The following IKBKB variants were observed in gnomAD, a reference collection of about 807,000 sequenced individuals.
The protein encoded by IKBKB is inhibitor of nuclear factor kappa B kinase subunit beta.
IKBKB carries 42 observed loss-of-function variants against 113.6 expected under a neutral mutation model. The observed-to-expected ratio is 0.37, with a 90% CI of 0.29 to 0.48. The LOEUF is 0.48. Among genes scored for constraint, IKBKB ranks in the 20% least tolerant of loss-of-function variants. The pLI, the probability that IKBKB is intolerant of heterozygous loss-of-function variation, is 0.99. For synonymous variants in IKBKB, 296 were observed against 361.3 expected, an observed-to-expected ratio of 0.82 and a Z score of 2.05; for missense variants, 673 against 939.7, an observed-to-expected ratio of 0.72 and a Z score of 3.71.
intron 2 of IKBKB, among the ~76,000 whole-genome samples, chr8:42,280,446 G>T (rs775972354): frequency 2.0e-5 from 3 of 150,628 alleles, no homozygotes; most frequent in Non-Finnish European, 4.5e-5. Flanking sequence ...GGAGATAACC[G>T]AGTGCTCCCA....
intron 19 of IKBKB, among the ~76,000 whole-genome samples, chr8:42,322,733 T>G (rs541617722): frequency 6.6e-6 from 1 of 152,190 alleles, no homozygotes; most frequent in African/African-American, 2.4e-5. Flanking sequence ...CTGTAAAGAT[T>G]AGCACAAACT....
intron 5 of IKBKB, among the ~76,000 whole-genome samples, chr8:42,298,972 G>A (rs138860529): frequency 1.3e-5 from 2 of 152,082 alleles, no homozygotes; most frequent in African/African-American, 2.4e-5. Context: ...GCTGCTCCTC[G>A]ACGTTCTGTT....
Position 42,331,747 on chromosome 8 carries a change from G to T in IKBKB, c.*768G>T, listed in dbSNP as rs200259853. 7.0e-5 allele frequency: 25 copies of T among 355,182 alleles called. No individual in the cohort carries two copies. The highest frequency in any genetic ancestry group is 1.2e-4 in the Non-Finnish European group (22 of 188,488). 22.0% of individuals were successfully genotyped at this position (355,182 alleles called of 1,614,324 possible). On this transcript the variant is annotated 3_prime_UTR_variant, in exon 22 of 22. Transcript: ENST00000520810. The stretch of plus-strand genomic sequence containing the variant: ...TTATTCTGAATCCCAAAAATTACTT[G>T]GGGGTGATTGTCACAGAGGAGGGAC...
intron 19 of IKBKB, 60 bp downstream of exon 19, chr8:42,322,554 CTG>C: frequency 1.9e-6 from 3 of 1,569,422 alleles, no homozygotes; most frequent in Non-Finnish European, 1.7e-6. Context: ...CTTTCCACCT[CTG>C]TGCACTGCCG....
intron 6 of IKBKB, among the ~76,000 whole-genome samples, 160 bp from the exon 7 acceptor site, chr8:42,306,183 G>A (rs781771877): frequency 1.3e-5 from 2 of 152,156 alleles, no homozygotes; most frequent in South Asian, 2.1e-4. Context: ...CTACCGTGTC[G>A]AGGGCATTCT....
intron 19 of IKBKB, chr8:42,325,448 T>C: frequency 1.1e-6 from 1 of 952,046 alleles, no homozygotes; most frequent in Non-Finnish European, 1.3e-6. Flanking sequence ...TTTGGGAGGC[T>C]GAGGCAGATC....
chr8:42,331,099 C>A lies in IKBKB; in HGVS notation c.*120C>A. 6.8e-7 allele frequency: 1 copy of A among 1,472,442 alleles called. No homozygotes were observed. Among genetic ancestry groups the A allele is most frequent in the Non-Finnish European group, 9.2e-7 (1 of 1,081,832 alleles). The allele number at this position is 1,472,442 out of a possible 1,614,324, so 91.2% of individuals were successfully genotyped here. On this transcript the variant is annotated 3_prime_UTR_variant, in exon 22 of 22. Transcript: ENST00000520810. ...GGCCGCGTGACGTGGGGCTGCCTGG[C>A]CGCGGCTCTCACATGGTGGTTCCTG...
At chr8:42,276,217 A>G (rs1294426972) in intron 2 of IKBKB, among the ~76,000 whole-genome samples, 2 of 152,208 alleles carry the variant, frequency 1.3e-5, no homozygotes, top group African/African-American at 2.4e-5. Flanking sequence ...CCAATAGTGT[A>G]TAGAGTTCCG....
At chr8:42,274,784 G>GCCACCC (rs1563290444) in intron 2 of IKBKB, among the ~76,000 whole-genome samples, 1 of 41,650 alleles carries the variant, frequency 2.4e-5, no homozygotes, top group African/African-American at 4.2e-5. Flanking sequence ...CCCCGCCGGC[G>GCCACCC]CGCCCCCCCC....
In IKBKB at chr8:42,317,000, T is replaced by TA; in HGVS notation, c.1125+97dup. ...CAGATTTCAATTCTGCTTTGTCATG[T>TA]AGTCTGTTAATCACACAGTGCGGAT... is the stretch of plus-strand genomic sequence containing the variant. On this transcript the variant is annotated intron_variant, in intron 11 of 21. Coordinates refer to ENST00000520810, the MANE Select transcript of IKBKB (RefSeq NM_001556.3). This position sits in a 1 kb window ranked among gnomAD's most constrained non-coding sequence, Gnocchi z 4.5. The TA allele has an allele frequency of 2.5e-6, 3 of 1,197,886 alleles. No individual in the cohort carries two copies. Among genetic ancestry groups the TA allele is most frequent in the Non-Finnish European group, 3.6e-6 (3 of 829,946 alleles). The allele number at this position is 1,197,886 out of a possible 1,614,324, so 74.2% of individuals were successfully genotyped here. A position where few individuals can be genotyped will look rare whatever the true frequency, so the allele number is the denominator to read the frequency against.
rs762361603 is a variant in IKBKB, at chr8:42,317,704, C to A, written c.1173C>A (p.Asp391Glu). Residue 391 changes from aspartate to glutamate, a missense_variant, in exon 12 of 22, where the codon GAC (aspartate) becomes GAA (glutamate). By Grantham distance (45) the Asp-to-Glu change is conservative (BLOSUM62 2). Coordinates refer to ENST00000520810, the MANE Select transcript of IKBKB (RefSeq NM_001556.3). Reference protein sequence around the residue: ...TLDMDLVFLFDNSKITYETQI... With the variant: ...TLDMDLVFLFENSKITYETQI... ...ACATGGATCTTGTTTTTCTCTTTGA[C>A]AACAGTAAAATCACCTATGAGACTC... 4.3e-6 allele frequency: 7 copies of A among 1,613,872 alleles called. No homozygotes were observed. The highest frequency in any genetic ancestry group is 1.1e-5 in the South Asian group (1 of 91,080).
intron 8 of IKBKB, among the ~76,000 whole-genome samples, chr8:42,312,145 C>T (rs1352846886): frequency 6.6e-6 from 1 of 152,234 alleles, no homozygotes; most frequent in African/African-American, 2.4e-5. Context: ...CTCGGCCTCC[C>T]AAAGTGCTGG....
chr8:42,306,589 A>C (rs1460980266), intron 7 of IKBKB, among the ~76,000 whole-genome samples, 157 bp downstream of exon 7: 2 of 152,086 alleles, frequency 1.3e-5, no homozygotes, highest in African/African-American at 4.8e-5. Flanking sequence ...TCGAGTCAGC[A>C]TTTTTTGCCA....
At position 42,319,407 on chromosome 8, in the gene IKBKB, C is replaced by A; in HGVS notation, c.1502C>A (p.Thr501Asn). 6.2e-7 allele frequency: 1 copy of A among 1,614,150 alleles called. No individual in the cohort carries two copies. Among genetic ancestry groups the A allele is most frequent in the Non-Finnish European group, 8.5e-7 (1 of 1,180,018 alleles). ...GACCTGGAGAAGTACAGCGAGCAAACCGAGTTTGGGATCAGTGAGTGTGCA... is the reference window on the plus strand; with the variant it reads ...GACCTGGAGAAGTACAGCGAGCAAAACGAGTTTGGGATCAGTGAGTGTGCA... ...QIDLEKYSEQ[T>N]EFGITSDKLL... The change falls in exon 14 of 22, where the codon ACC becomes AAC. Residue 501 changes from threonine (T) to asparagine (N), a missense_variant. Physicochemically the swap from Thr to Asn is moderately conservative, Grantham distance 65. Coordinates refer to ENST00000520810, the MANE Select transcript of IKBKB (RefSeq NM_001556.3).
At chr8:42,330,297 C>G in intron 21 of IKBKB, 1 of 984,062 alleles carries the variant, frequency 1.0e-6, no homozygotes, top group East Asian at 1.1e-4. Context: ...TAAGAGTACC[C>G]TGCAGTCACA....
chr8:42,289,279 C>T (rs1347577527), intron 3 of IKBKB, among the ~76,000 whole-genome samples: 3 of 152,306 alleles, frequency 2.0e-5, no homozygotes, highest in East Asian at 1.9e-4. Context: ...GCAGTCTCCA[C>T]GGTGACTCTG....
At chr8:42,302,757 C>T (rs1585679032) in intron 5 of IKBKB, among the ~76,000 whole-genome samples, 1 of 130,878 alleles carries the variant, frequency 7.6e-6, no homozygotes, top group Admixed American at 6.8e-5. Context: ...TGCCAGTATT[C>T]CAAAATCCAA....
intron 5 of IKBKB, among the ~76,000 whole-genome samples, chr8:42,302,681 T>G (rs996027895): frequency 1.3e-5 from 2 of 152,216 alleles, no homozygotes; most frequent in East Asian, 3.9e-4. Flanking sequence ...AAAAATTCAG[T>G]TGTTTCATAT....
chr8:42,325,805 T>G (rs895120390), intron 19 of IKBKB, 165 bp from the exon 20 acceptor site: 2 of 1,471,792 alleles, frequency 1.4e-6, no homozygotes, highest in Non-Finnish European at 1.8e-6. Context: ...TGAAGCCAGA[T>G]GTGAAGCACC....
Sources: allele counts gnomAD v4.1 joint callset (sites outside exome capture counted in the v4.1 genomes callset), GRCh38; gene constraint gnomAD v4.1.1; non-coding constraint Gnocchi (gnomAD v3.1); transcripts MANE v1.5; gene names NCBI Gene and HGNC (gene_info 2026-07-23, HGNC 2026-07-21).